SLIT2: variants seen among roughly 807,000 people sequenced by gnomAD.
SLIT2 encodes slit guidance ligand 2, also known as slit homolog 2 protein.
SLIT2 carries 41 observed loss-of-function variants against 185.7 expected under a neutral mutation model. That is an observed-to-expected ratio of 0.22 (90% CI 0.17 to 0.29). The LOEUF is 0.29. Among genes scored for constraint, SLIT2 ranks in the 10% least tolerant of loss-of-function variants. The pLI is 1.00. For synonymous variants in SLIT2, 693 were observed against 680.2 expected (o/e 1.02, Z -0.29); for missense variants, 1,571 against 1,909.0 (o/e 0.82, Z 3.30).
At chr4:20,395,196 G>C (rs1390772202) in intron 4 of SLIT2, among the ~76,000 whole-genome samples, 1 of 151,940 alleles carries the variant, frequency 6.6e-6, no homozygotes, top group Non-Finnish European at 1.5e-5. Flanking sequence ...TGGGTGTTTT[G>C]CTATATGACA....
chr4:20,372,848 C>A (rs971390166), intron 4 of SLIT2, among the ~76,000 whole-genome samples: 3 of 152,020 alleles, frequency 2.0e-5, no homozygotes, highest in African/African-American at 7.2e-5. Context: ...TCTTTTTACA[C>A]ACCATTTTTT....
Position 20,256,690 on chromosome 4 carries a change from C to T in SLIT2, c.198C>T (p.Asn66=). 6.4e-7 allele frequency: 1 copy of T among 1,568,216 alleles called. No homozygotes were observed. Among genetic ancestry groups the T allele is most frequent in the Non-Finnish European group, 8.7e-7 (1 of 1,145,098 alleles). Residue 66 remains asparagine (N), a synonymous_variant, in exon 2 of 37, where the codon AAC becomes AAT. Coordinates refer to ENST00000504154, the MANE Select transcript of SLIT2 (RefSeq NM_004787.4). ...NTERLDLNGN[N]ITRITKTDFA... is the part of the protein sequence containing the mutation. ...CTCTTAGGGATTTAAATGGAAATAA[C>T]ATCACAAGAATTACGAAGACAGATT...
intron 4 of SLIT2, among the ~76,000 whole-genome samples, chr4:20,411,332 G>T (rs561166424): frequency 1.3e-5 from 2 of 152,104 alleles, no homozygotes; most frequent in Non-Finnish European, 2.9e-5. Flanking sequence ...ATTTAACAAT[G>T]GTAACCAACT....
intron 5 of SLIT2, among the ~76,000 whole-genome samples, chr4:20,472,321 T>TATAG (rs1715263919): frequency 5.1e-5 from 4 of 78,600 alleles, no homozygotes; most frequent in African/African-American, 2.4e-4. Flanking sequence ...TATAGATATA[T>TATAG]ATATCTATAT....
chr4:20,339,976 A>G (rs565010856), intron 4 of SLIT2, among the ~76,000 whole-genome samples: 2 of 152,338 alleles, frequency 1.3e-5, no homozygotes, highest in African/African-American at 2.4e-5. Flanking sequence ...ATTTGTTCAT[A>G]GTTCATTACT....
chr4:20,529,862 C>A (rs1478813075), intron 16 of SLIT2, among the ~76,000 whole-genome samples: 1 of 152,142 alleles, frequency 6.6e-6, no homozygotes, highest in African/African-American at 2.4e-5. Context: ...ATAGCACCAT[C>A]TGGTATTTGT....
At chr4:20,453,657 G>A (rs1712729059) in intron 4 of SLIT2, among the ~76,000 whole-genome samples, 1 of 152,092 alleles carries the variant, frequency 6.6e-6, no homozygotes, top group Non-Finnish European at 1.5e-5. Context: ...GACACAACTG[G>A]GATGAAATTC....
chr4:20,261,549 T>G (rs1386876818), intron 3 of SLIT2, among the ~76,000 whole-genome samples: 3 of 151,902 alleles, frequency 2.0e-5, no homozygotes, highest in Non-Finnish European at 4.4e-5. Flanking sequence ...CTACAGTCAT[T>G]CACTTCTATT....
At chr4:20,414,154 T>C (rs968266803) in intron 4 of SLIT2, among the ~76,000 whole-genome samples, 3 of 152,196 alleles carry the variant, frequency 2.0e-5, no homozygotes, top group Non-Finnish European at 4.4e-5. Context: ...TGTTTGATTT[T>C]CTAGCTTCTG....
At chr4:20,313,164 T>C (rs1301973317) in intron 4 of SLIT2, among the ~76,000 whole-genome samples, 1 of 152,122 alleles carries the variant, frequency 6.6e-6, no homozygotes, top group African/African-American at 2.4e-5. Flanking sequence ...ACCTGAGACT[T>C]GGTAATTTAT....
At chr4:20,381,545 T>G (rs1724514801) in intron 4 of SLIT2, among the ~76,000 whole-genome samples, 1 of 152,176 alleles carries the variant, frequency 6.6e-6, no homozygotes, top group Non-Finnish European at 1.5e-5. Flanking sequence ...ATGGATAATT[T>G]AGAAATATGT....
At chr4:20,313,058 T>C (rs1167824302) in intron 4 of SLIT2, among the ~76,000 whole-genome samples, 1 of 152,190 alleles carries the variant, frequency 6.6e-6, no homozygotes, top group Non-Finnish European at 1.5e-5. Context: ...ACCGTATTAA[T>C]TTGGTAGATC....
chr4:20,378,218 G>T (rs994865887), intron 4 of SLIT2, among the ~76,000 whole-genome samples: 1 of 152,030 alleles, frequency 6.6e-6, no homozygotes, highest in Non-Finnish European at 1.5e-5. Context: ...TTTACAAAAG[G>T]TGACACTGTT....
At chr4:20,582,624 T>C (rs1405091693) in intron 29 of SLIT2, among the ~76,000 whole-genome samples, 1 of 152,204 alleles carries the variant, frequency 6.6e-6, no homozygotes, top group Non-Finnish European at 1.5e-5. Context: ...CTAGTATGAA[T>C]TTCTTTTTCC....
chr4:20,257,992 T>C, intron 3 of SLIT2, 53 bp downstream of exon 3: 1 of 870,726 alleles, frequency 1.1e-6, no homozygotes. Flanking sequence ...TTTTTAAAAA[T>C]ACTTAAATTT....
intron 4 of SLIT2, among the ~76,000 whole-genome samples, chr4:20,374,397 A>T (rs544466486): frequency 6.6e-6 from 1 of 152,102 alleles, no homozygotes; most frequent in African/African-American, 2.4e-5. Flanking sequence ...TTTTGCTTTC[A>T]GTTTTACCCT....
intron 4 of SLIT2, among the ~76,000 whole-genome samples, chr4:20,311,782 C>G (rs1161610962): frequency 1.3e-5 from 2 of 152,098 alleles, no homozygotes; most frequent in Admixed American, 6.5e-5. Flanking sequence ...TTGAAATATA[C>G]TCTATTAAGC....
intron 19 of SLIT2, among the ~76,000 whole-genome samples, chr4:20,540,853 T>C (rs1174673175): frequency 1.3e-5 from 2 of 152,206 alleles, no homozygotes; most frequent in Non-Finnish European, 2.9e-5. Flanking sequence ...AGATTGTCAA[T>C]AGGTTTATGC....
chr4:20,279,167 T>G (rs1479490942), intron 4 of SLIT2, among the ~76,000 whole-genome samples: 1 of 152,232 alleles, frequency 6.6e-6, no homozygotes, highest in African/African-American at 2.4e-5. Flanking sequence ...AGTCATTTCA[T>G]GTATTGAGGT....
Sources: gnomAD v4.1 joint callset for allele counts (sites outside exome capture counted in the v4.1 genomes callset) on GRCh38, gnomAD v4.1.1 for gene constraint, MANE v1.5 for transcripts, NCBI Gene and HGNC (gene_info 2026-07-23, HGNC 2026-07-21) for gene names.